The following SND1 variants were observed in gnomAD, a reference collection of about 807,000 sequenced individuals.
SND1 encodes the protein staphylococcal nuclease domain-containing protein 1.
In SND1, 38 loss-of-function variants were observed where a neutral mutation model predicts 121.7. The observed-to-expected ratio is 0.31, with a 90% CI of 0.24 to 0.41. The LOEUF (loss-of-function observed/expected upper bound fraction) is 0.41. Ranked by LOEUF, SND1 falls within the 10% of genes least tolerant of loss-of-function variation. The pLI is 1.00. For missense variants in SND1, 868 were observed against 1,184.6 expected (o/e 0.73, Z 3.92); for synonymous variants, 401 against 447.4 (o/e 0.90, Z 1.31).
intron 15 of SND1, among the ~76,000 whole-genome samples, chr7:127,946,930 G>T (rs1416330367): frequency 1.3e-5 from 2 of 152,142 alleles, no homozygotes; most frequent in Non-Finnish European, 2.9e-5. Flanking sequence ...GAAGATTTTG[G>T]TCAGATTGCT....
chr7:127,935,130 T>C lies in SND1; in HGVS notation c.1669+5801T>C, dbSNP rs141395471. Reference sequence around the variant, plus strand: ...CGGTACAGTTTCATCAGAGTTGAGTTGATTAAAGGTAGATTACAGGTGACT... The same window carrying C: ...CGGTACAGTTTCATCAGAGTTGAGTCGATTAAAGGTAGATTACAGGTGACT... On this transcript the variant is annotated intron_variant, in intron 15 of 23. Coordinates refer to ENST00000354725, the MANE Select transcript of SND1 (RefSeq NM_014390.4). Among the ~76,000 whole-genome samples, 42 of 152,258 alleles carry C rather than the reference T, an allele frequency of 2.8e-4. No individual in the cohort carries two copies. The East Asian group carries it at 7.9e-3, about 29-fold the overall frequency.
chr7:127,766,471 T>G (rs1307795833), intron 10 of SND1, among the ~76,000 whole-genome samples: 4 of 152,132 alleles, frequency 2.6e-5, no homozygotes, highest in East Asian at 3.9e-4. Context: ...TGGTTACTAT[T>G]TAATAGTTCT....
At chr7:127,951,504 C>T (rs1288672327) in intron 15 of SND1, among the ~76,000 whole-genome samples, 1 of 152,118 alleles carries the variant, frequency 6.6e-6, no homozygotes, top group Non-Finnish European at 1.5e-5. Context: ...ATCTGCTGTA[C>T]AATATTGTGC....
intron 16 of SND1, among the ~76,000 whole-genome samples, chr7:128,000,368 C>CTTTTTTTTTTTT (rs34812649): frequency 7.4e-6 from 1 of 135,198 alleles, no homozygotes; most frequent in Non-Finnish European, 1.6e-5. Context: ...GCTTTTGCTT[C>CTTTTTTTTTTTT]TTTTTTTTTT....
intron 10 of SND1, among the ~76,000 whole-genome samples, chr7:127,740,282 T>TA (rs1162465703): frequency 6.6e-6 from 1 of 152,228 alleles, no homozygotes; most frequent in Non-Finnish European, 1.5e-5. Flanking sequence ...ATAAGGTTTG[T>TA]AAAAAAGCCA....
chr7:127,873,894 C>CT (rs1799641685), intron 12 of SND1, among the ~76,000 whole-genome samples: 1 of 151,980 alleles, frequency 6.6e-6, no homozygotes, highest in Non-Finnish European at 1.5e-5. Context: ...AACAACAACT[C>CT]TGACTATTCT....
At chr7:127,852,946 A>G (rs1230928107) in intron 12 of SND1, among the ~76,000 whole-genome samples, 3 of 152,030 alleles carry the variant, frequency 2.0e-5, no homozygotes, top group African/African-American at 7.3e-5. Flanking sequence ...TTTCATCTGC[A>G]TTTATGAAGG....
chr7:127,803,881 C>A (rs975918653), intron 10 of SND1, among the ~76,000 whole-genome samples: 1 of 152,196 alleles, frequency 6.6e-6, no homozygotes, highest in African/African-American at 2.4e-5. Context: ...GTTACCTCTT[C>A]CATCTCTAAT....
intron 10 of SND1, among the ~76,000 whole-genome samples, chr7:127,749,851 A>C (rs970470756): frequency 9.9e-5 from 15 of 152,202 alleles, no homozygotes; most frequent in African/African-American, 3.4e-4. Context: ...TCAAGCCTGC[A>C]ATGCCAACAA....
chr7:128,030,749 G>A, intron 16 of SND1: 1 of 1,340,602 alleles, frequency 7.5e-7, no homozygotes, highest in Non-Finnish European at 1.0e-6. Flanking sequence ...ATCTGGAGAA[G>A]GAGGTGGGGA....
intron 15 of SND1, among the ~76,000 whole-genome samples, chr7:127,945,246 A>G (rs1244614771): frequency 1.3e-5 from 2 of 152,324 alleles, no homozygotes; most frequent in East Asian, 3.9e-4. Context: ...TAATCCCAGC[A>G]CTTTGGGAGG....
chr7:127,920,943 AAAG>A (rs1800693948), intron 14 of SND1, among the ~76,000 whole-genome samples: 1 of 152,166 alleles, frequency 6.6e-6, no homozygotes. Context: ...TTTACCACTA[AAAG>A]GCAATGACTT....
intron 10 of SND1, among the ~76,000 whole-genome samples, chr7:127,738,753 C>G (rs977296548): frequency 1.3e-5 from 2 of 152,076 alleles, no homozygotes; most frequent in African/African-American, 4.8e-5. Context: ...TCCAGGGAAC[C>G]TAGGAGACCA....
At chr7:127,854,804 G>A (rs1333514636) in intron 12 of SND1, among the ~76,000 whole-genome samples, 1 of 151,914 alleles carries the variant, frequency 6.6e-6, no homozygotes, top group African/African-American at 2.4e-5. Context: ...GTGTTAAGGG[G>A]AATAGGAATG....
At chr7:127,652,484 C>T (rs1795139677) in intron 1 of SND1, 33 bp downstream of exon 1, 3 of 1,527,822 alleles carry the variant, frequency 2.0e-6, no homozygotes, top group Admixed American at 2.0e-5. Context: ...GACCCCTCTG[C>T]CTGCCTTCGG....
In SND1 at chr7:127,905,649, TG is replaced by T. The variant is rs199988695; in HGVS notation, c.1527+831del. Among the ~76,000 whole-genome samples the T allele has an allele frequency of 4.1e-3, 630 of 152,110 alleles. 17 individuals carry two copies. The highest frequency in any genetic ancestry group is 0.031 in the Admixed American group (476 of 15,266). On this transcript the variant is annotated intron_variant, in intron 14 of 23. Transcript: ENST00000354725. ...AACTGGCCGAGGGGATAGTGAGTGG[TG>T]TAAGTGCTGATTTTGATCAGGTGGC...
intron 15 of SND1, among the ~76,000 whole-genome samples, chr7:127,977,725 A>G (rs933491148): frequency 1.3e-5 from 2 of 152,240 alleles, no homozygotes; most frequent in African/African-American, 2.4e-5. Flanking sequence ...CGATCAGAAG[A>G]TTCTTGGCCA....
At chr7:127,768,340 A>G (rs889872829) in intron 10 of SND1, among the ~76,000 whole-genome samples, 3 of 152,214 alleles carry the variant, frequency 2.0e-5, no homozygotes, top group African/African-American at 4.8e-5. Flanking sequence ...GAGGATTACA[A>G]AGGGATTAGA....
chr7:128,090,579 C>A (rs1584784263), intron 22 of SND1, among the ~76,000 whole-genome samples: 1 of 152,316 alleles, frequency 6.6e-6, no homozygotes, highest in African/African-American at 2.4e-5. Context: ...CAGCTTCTCC[C>A]TATGTTCCTT....
Sources: gnomAD v4.1 joint callset for allele counts (sites outside exome capture counted in the v4.1 genomes callset) on GRCh38, gnomAD v4.1.1 for gene constraint, MANE v1.5 for transcripts, NCBI Gene and HGNC (gene_info 2026-07-23, HGNC 2026-07-21) for gene names.